XKR7: variants seen among roughly 807,000 people sequenced by gnomAD.
The protein encoded by XKR7 is XK-related protein 7.
Under a neutral mutation model 42.2 loss-of-function variants are expected in XKR7, and 11 were observed. The observed-to-expected ratio is 0.26, with a 90% CI of 0.16 to 0.43. The LOEUF (loss-of-function observed/expected upper bound fraction) is 0.43. Ranked by LOEUF, XKR7 falls within the 20% of genes least tolerant of loss-of-function variation. The pLI is 1.00. For missense variants in XKR7, 710 were observed against 802.2 expected (o/e 0.89, Z 1.39); for synonymous variants, 346 against 366.4 (o/e 0.94, Z 0.64).
chr20:31,989,717 G>A (rs552437665), intron 1 of XKR7, among the ~76,000 whole-genome samples: 3 of 152,262 alleles, frequency 2.0e-5, no homozygotes, highest in Admixed American at 6.5e-5. Flanking sequence ...GGACTCAAGT[G>A]ATCTTCCCAC....
intron 1 of XKR7, among the ~76,000 whole-genome samples, chr20:31,989,825 C>A (rs1284702240): frequency 1.3e-5 from 2 of 152,220 alleles, no homozygotes; most frequent in Non-Finnish European, 2.9e-5. Context: ...GATGCCCAGG[C>A]TGGTCTTGAA....
chr20:31,989,179 A>G (rs1210294126), intron 1 of XKR7, among the ~76,000 whole-genome samples: 3 of 152,126 alleles, frequency 2.0e-5, no homozygotes, highest in Admixed American at 6.5e-5. Flanking sequence ...TGAGCTGATG[A>G]GGAGCCAGCC....
At position 31,995,041 on chromosome 20, in the gene XKR7, A is replaced by G; in HGVS notation, c.585-27A>G. 1 of 1,539,604 alleles carries G rather than the reference A, an allele frequency of 6.5e-7. No homozygotes were observed. Among genetic ancestry groups the G allele is most frequent in the South Asian group, 1.2e-5 (1 of 83,358 alleles). On this transcript the variant is annotated intron_variant, in intron 1 of 2. Transcript: ENST00000562532. The surrounding 1 kb of genome is among the most constrained non-coding windows in gnomAD (Gnocchi z 4.1). Reference sequence around the variant, plus strand: ...AGAGCGAGAGGAACCAGCGCGCGGGAGCCTGAGCACCGCGTCCTTCCCGCA... The same window carrying G: ...AGAGCGAGAGGAACCAGCGCGCGGGGGCCTGAGCACCGCGTCCTTCCCGCA...
At position 31,996,664 on chromosome 20, in the gene XKR7, C is replaced by T. The variant is rs867524632; in HGVS notation, c.947C>T (p.Ala316Val). 6.2e-7 allele frequency: 1 copy of T among 1,602,004 alleles called. No individual in the cohort carries two copies. The highest frequency in any genetic ancestry group is 8.5e-7 in the Non-Finnish European group (1 of 1,173,084). Residue 316 changes from alanine (A) to valine (V), a missense_variant, in exon 3 of 3, where the codon GCC becomes GTC. By Grantham distance (64) the Ala-to-Val change is moderately conservative. Around this residue, in one of 2 missense-constraint regions of XKR7, gnomAD observed 708 missense variants for 786.2 expected, o/e 0.90. Transcript: ENST00000562532. ...TTCAGCATTGCCGCCCGCGGCCTGGCCTTCGCGCTCTTCGCCAGCGTCTAC... is the reference window on the plus strand; with the variant it reads ...TTCAGCATTGCCGCCCGCGGCCTGGTCTTCGCGCTCTTCGCCAGCGTCTAC... Reference protein sequence around the residue: ...HLFSIAARGLAFALFASVYKL... With the variant: ...HLFSIAARGLVFALFASVYKL...
chr20:31,976,426 C>T (rs907344999), intron 1 of XKR7, among the ~76,000 whole-genome samples: 15 of 151,828 alleles, frequency 9.9e-5, no homozygotes, highest in Admixed American at 3.3e-4. Flanking sequence ...GCTCTGTCTC[C>T]CAGGCTGGAG....
chr20:31,977,255 G>C (rs114086704), intron 1 of XKR7, among the ~76,000 whole-genome samples: 1,532 of 152,306 alleles, frequency 0.01, 26 homozygotes, highest in African/African-American at 0.036. Context: ...GTGTGAACTG[G>C]ATTGAACCTT....
At chr20:31,975,354 G>T (rs1488116062) in intron 1 of XKR7, among the ~76,000 whole-genome samples, 1 of 151,840 alleles carries the variant, frequency 6.6e-6, no homozygotes, top group Non-Finnish European at 1.5e-5. Context: ...TTTCCTCCCT[G>T]CTCTACCCAC....
intron 1 of XKR7, among the ~76,000 whole-genome samples, chr20:31,992,065 C>T (rs1290272308): frequency 2.6e-5 from 4 of 151,984 alleles, no homozygotes; most frequent in East Asian, 1.9e-4. Context: ...TGTGGTGAGC[C>T]GAGATCACAC....
intron 1 of XKR7, among the ~76,000 whole-genome samples, chr20:31,982,772 G>C (rs1049299022): frequency 1.3e-5 from 2 of 152,158 alleles, no homozygotes; most frequent in Non-Finnish European, 2.9e-5. Context: ...GTGTCCCTCG[G>C]GGACAGGTTC....
chr20:31,993,728 G>A (rs2064579543), intron 1 of XKR7, among the ~76,000 whole-genome samples: 1 of 152,210 alleles, frequency 6.6e-6, no homozygotes, highest in East Asian at 1.9e-4. Flanking sequence ...GGGGAGATGT[G>A]CACATAACCA....
At chr20:31,978,895 G>A (rs2064497942) in intron 1 of XKR7, among the ~76,000 whole-genome samples, 1 of 152,142 alleles carries the variant, frequency 6.6e-6, no homozygotes, top group East Asian at 1.9e-4. Flanking sequence ...AGCACTTTGG[G>A]AGGCCGAGGT....
At chr20:31,972,233 C>T (rs999205271) in intron 1 of XKR7, among the ~76,000 whole-genome samples, 12 of 151,950 alleles carry the variant, frequency 7.9e-5, no homozygotes, top group Non-Finnish European at 1.5e-4. Context: ...TGAAACCCTC[C>T]CCCCTGGTGA....
chr20:31,997,286 C>T lies in XKR7; in HGVS notation c.1569C>T (p.Ile523=), dbSNP rs1397350459. ...CCTTGCGGACAGAGGGGCCTGTCATCCGGATTGACTTGCCTCGCAAGAAGT... is the reference window on the plus strand; with the variant it reads ...CCTTGCGGACAGAGGGGCCTGTCATTCGGATTGACTTGCCTCGCAAGAAGT... ...ARTLRTEGPV[I]RIDLPRKKYP... is the part of the protein sequence containing the mutation. The change falls in exon 3 of 3, where the codon ATC becomes ATT. Residue 523 remains isoleucine (I), a synonymous_variant. Coordinates refer to ENST00000562532, the MANE Select transcript of XKR7 (RefSeq NM_001011718.2). 7 of 1,612,136 alleles carry T rather than the reference C, an allele frequency of 4.3e-6. No homozygotes were observed. The highest frequency in any genetic ancestry group is 1.3e-5 in the African/African-American group (1 of 74,956).
intron 1 of XKR7, among the ~76,000 whole-genome samples, chr20:31,984,426 G>C (rs1267712768): frequency 6.6e-6 from 1 of 152,164 alleles, no homozygotes; most frequent in African/African-American, 2.4e-5. Context: ...TGACACCAGG[G>C]TAGAGAGAAG....
At position 31,999,998 on chromosome 20, in the gene XKR7, C is replaced by G. The variant is rs1475056633; in HGVS notation, c.*2541C>G. 1 of 152,396 alleles carries G rather than the reference C, an allele frequency of 6.6e-6. No individual in the cohort carries two copies. The highest frequency in any genetic ancestry group is 1.9e-4 in the East Asian group (1 of 5,190). 9.4% of individuals were successfully genotyped at this position (152,396 alleles called of 1,614,324 possible). A position where few individuals can be genotyped will look rare whatever the true frequency, so the allele number is the denominator to read the frequency against. On this transcript the variant is annotated 3_prime_UTR_variant, in exon 3 of 3. Coordinates refer to ENST00000562532, the MANE Select transcript of XKR7 (RefSeq NM_001011718.2). ...GGCTACATTTTTGGATTTTACTCCA[C>G]CCCCACTCCCCACCTCTTCTCAACC...
chr20:31,983,467 T>C (rs1252955552), intron 1 of XKR7, among the ~76,000 whole-genome samples: 2 of 151,916 alleles, frequency 1.3e-5, no homozygotes. Context: ...GATGGGAGAA[T>C]GAGAGTTTGA....
At chr20:31,996,234 G>A (rs2064590588) in intron 2 of XKR7, among the ~76,000 whole-genome samples, 1 of 148,858 alleles carries the variant, frequency 6.7e-6, no homozygotes, top group African/African-American at 2.5e-5. Flanking sequence ...CCACACCAGA[G>A]TCCTAGATGG....
rs530778156 is a variant in XKR7 at position 31,976,129 on chromosome 20, C to G, written c.584+7370C>G. ...TATGTGCTCTGCACAGTACTCAGCA[C>G]ATAGTGGTGCTCAGTTAGTGTTTGC... On this transcript the variant is annotated intron_variant, in intron 1 of 2. Transcript: ENST00000562532. 2.6e-5 allele frequency among the ~76,000 whole-genome samples: 4 copies of G among 152,332 alleles called. No homozygotes were observed. The South Asian group carries it at 8.3e-4, about 32-fold the overall frequency.
intron 1 of XKR7, among the ~76,000 whole-genome samples, chr20:31,969,722 C>T (rs937357178): frequency 6.6e-6 from 1 of 152,212 alleles, no homozygotes; most frequent in Non-Finnish European, 1.5e-5. Context: ...CCCTACTCCT[C>T]TTATCTCATT....
Sources: allele counts gnomAD v4.1 joint callset (sites outside exome capture counted in the v4.1 genomes callset), GRCh38; gene constraint gnomAD v4.1.1; regional missense constraint gnomAD v4.1.1; non-coding constraint Gnocchi (gnomAD v3.1); transcripts MANE v1.5; gene names NCBI Gene and HGNC (gene_info 2026-07-23, HGNC 2026-07-21).